The following POU6F2 variants were observed in gnomAD, a reference collection of about 807,000 sequenced individuals.
POU6F2 encodes the protein POU domain, class 6, transcription factor 2.
In POU6F2, 31 loss-of-function variants were observed where a neutral mutation model predicts 71.3. That is an observed-to-expected ratio of 0.43 (90% confidence interval 0.33 to 0.59). POU6F2 has a LOEUF of 0.59. POU6F2 is among the 20% of genes least tolerant of loss of function. The pLI, the probability that POU6F2 is intolerant of heterozygous loss-of-function variation, is 0.04. For synonymous variants in POU6F2, 347 were observed against 355.7 expected (o/e 0.98, Z 0.27); for missense variants, 783 against 856.8 (o/e 0.91, Z 1.07).
chr7:39,265,711 C>T (rs2128755525), intron 4 of POU6F2, among the ~76,000 whole-genome samples: 1 of 152,258 alleles, frequency 6.6e-6, no homozygotes, highest in African/African-American at 2.4e-5. Flanking sequence ...CGCTTTGACT[C>T]CATTAAAGTA....
intron 1 of POU6F2, among the ~76,000 whole-genome samples, chr7:39,078,834 C>T (rs1451761079): frequency 1.3e-5 from 2 of 152,164 alleles, no homozygotes; most frequent in Non-Finnish European, 1.5e-5. Flanking sequence ...TGAGGGGCAA[C>T]ATGCCTGGCT....
At chr7:39,275,240 A>G (rs1784414427) in intron 4 of POU6F2, among the ~76,000 whole-genome samples, 1 of 151,548 alleles carries the variant, frequency 6.6e-6, no homozygotes, top group East Asian at 1.9e-4. Context: ...AATCACAAGC[A>G]TTCTTACACA....
intron 1 of POU6F2, among the ~76,000 whole-genome samples, chr7:39,068,750 G>C (rs1014846739): frequency 6.6e-6 from 1 of 152,158 alleles, no homozygotes; most frequent in Non-Finnish European, 1.5e-5. Flanking sequence ...ACAAAGCTGT[G>C]TATTGCTGTG....
intron 5 of POU6F2, among the ~76,000 whole-genome samples, chr7:39,394,653 C>T (rs955170163): frequency 1.3e-5 from 2 of 152,166 alleles, no homozygotes; most frequent in Non-Finnish European, 2.9e-5. Context: ...TTTCTGACAT[C>T]CCACAATCCC....
chr7:39,254,911 C>T (rs1006006860), intron 4 of POU6F2, among the ~76,000 whole-genome samples: 1 of 152,176 alleles, frequency 6.6e-6, no homozygotes, highest in African/African-American at 2.4e-5. Context: ...TCCAGATCTT[C>T]TTGTGATTCT....
chr7:39,180,837 A>C (rs1793421626), intron 2 of POU6F2, among the ~76,000 whole-genome samples: 1 of 152,094 alleles, frequency 6.6e-6, no homozygotes, highest in African/African-American at 2.4e-5. Context: ...CCCTCCTGCC[A>C]ACCTTTTCCC....
At chr7:39,079,011 C>T (rs1218739104) in intron 1 of POU6F2, among the ~76,000 whole-genome samples, 1 of 152,062 alleles carries the variant, frequency 6.6e-6, no homozygotes, top group Non-Finnish European at 1.5e-5. Context: ...TTTGGTGACT[C>T]GTGCTCCAAA....
chr7:39,023,262 A>AT (rs1412085622), intron 1 of POU6F2, among the ~76,000 whole-genome samples: 7 of 152,044 alleles, frequency 4.6e-5, no homozygotes, highest in Non-Finnish European at 1.0e-4. Context: ...TATTGTGGAT[A>AT]TTGTTTGCCA....
In POU6F2 at chr7:39,339,688, CCAGCAG is replaced by C. The variant is rs751710078; in HGVS notation, c.671_676del (p.Gln224_Gln225del). 5.1e-5 allele frequency: 81 copies of C among 1,597,788 alleles called. No individual in the cohort carries two copies. The highest frequency in any genetic ancestry group is 1.6e-4 in the South Asian group (14 of 89,880). On this transcript the variant is annotated inframe_deletion, in exon 5 of 10. Transcript: ENST00000518318. ...AGCTCCAGCAGCTCCAGCTCCAGCT[CCAGCAG>C]CAGCAGCAGCAGCAGCAGCAGCAGC...
chr7:39,383,804 T>C (rs944937002), intron 5 of POU6F2, among the ~76,000 whole-genome samples: 2 of 152,212 alleles, frequency 1.3e-5, no homozygotes, highest in Non-Finnish European at 2.9e-5. Flanking sequence ...AGAAAGTACA[T>C]CTTTTCCAAA....
At chr7:39,173,132 G>T (rs1793258575) in intron 2 of POU6F2, among the ~76,000 whole-genome samples, 1 of 152,172 alleles carries the variant, frequency 6.6e-6, no homozygotes, top group Admixed American at 6.5e-5. Context: ...AATTACTAAT[G>T]AGATATCTTA....
chr7:39,197,492 G>A (rs1334201573), intron 2 of POU6F2, among the ~76,000 whole-genome samples: 4 of 152,366 alleles, frequency 2.6e-5, no homozygotes, highest in South Asian at 2.1e-4. Flanking sequence ...GAGCAAGGAC[G>A]AAGCAAGAGG....
intron 4 of POU6F2, among the ~76,000 whole-genome samples, chr7:39,332,687 A>G (rs1340524420): frequency 6.6e-6 from 1 of 152,136 alleles, no homozygotes; most frequent in Non-Finnish European, 1.5e-5. Flanking sequence ...GTTTCTTTGT[A>G]TGTGGCCCTT....
At chr7:39,180,196 G>A (rs917232586) in intron 2 of POU6F2, among the ~76,000 whole-genome samples, 2 of 152,142 alleles carry the variant, frequency 1.3e-5, no homozygotes. Context: ...ATACGCCCAG[G>A]TGTGTATCCA....
At chr7:39,412,778 CTTTTTTTTTTTTTTTTTTTTTTTTTTT>C (rs1166811956) in intron 6 of POU6F2, among the ~76,000 whole-genome samples, 12 of 23,192 alleles carry the variant, frequency 5.2e-4, no homozygotes, top group African/African-American at 1.3e-3. Flanking sequence ...GTTTTCTTGC[CTTTTTTTTTTTTTTTTTTTTTTTTTTT>C]TTTTTTTTTT....
intron 7 of POU6F2, among the ~76,000 whole-genome samples, chr7:39,437,256 T>G (rs1178946321): frequency 6.6e-6 from 1 of 152,204 alleles, no homozygotes; most frequent in East Asian, 1.9e-4. Context: ...GGTCCTGGGC[T>G]TTTTTTGGTT....
intron 1 of POU6F2, among the ~76,000 whole-genome samples, chr7:39,020,254 T>C (rs1166395205): frequency 6.6e-6 from 1 of 152,188 alleles, no homozygotes; most frequent in Non-Finnish European, 1.5e-5. Context: ...TAATGCTGCA[T>C]GATGAGCTAT....
chr7:39,379,650 A>G (rs1211597202), intron 5 of POU6F2, among the ~76,000 whole-genome samples: 3 of 152,134 alleles, frequency 2.0e-5, no homozygotes, highest in African/African-American at 7.2e-5. Flanking sequence ...AAGCTCCGCT[A>G]TTTTCCACGA....
intron 2 of POU6F2, among the ~76,000 whole-genome samples, chr7:39,129,934 G>T (rs1477241741): frequency 1.3e-5 from 2 of 151,908 alleles, no homozygotes; most frequent in African/African-American, 4.8e-5. Context: ...GGGCGTGGTG[G>T]CAGGTGCCTG....
Sources: allele counts gnomAD v4.1 joint callset (sites outside exome capture counted in the v4.1 genomes callset), GRCh38; gene constraint gnomAD v4.1.1; transcripts MANE v1.5; gene names NCBI Gene and HGNC (gene_info 2026-07-23, HGNC 2026-07-21).